The following RAPGEF5 variants were observed in gnomAD, a reference collection of about 807,000 sequenced individuals.
The protein encoded by RAPGEF5 is M-Ras-regulated GEF.
Under a neutral mutation model 125.2 loss-of-function variants are expected in RAPGEF5, and 65 were observed. The ratio of observed to expected loss-of-function variants is 0.52; its 90% CI spans 0.43 to 0.64. The LOEUF is 0.64. Among genes scored for constraint, RAPGEF5 ranks in the 30% least tolerant of loss-of-function variants. The probability of loss-of-function intolerance (pLI) is 0.00; values close to 1 mark genes in which losing one functional copy is unlikely to be tolerated. For synonymous variants in RAPGEF5, 391 were observed against 385.9 expected (o/e 1.01, Z -0.16); for missense variants, 958 against 1,048.1 (o/e 0.91, Z 1.19).
intron 7 of RAPGEF5, among the ~76,000 whole-genome samples, chr7:22,265,567 T>G (rs1782262479): frequency 6.6e-6 from 1 of 152,110 alleles, no homozygotes; most frequent in Non-Finnish European, 1.5e-5. Flanking sequence ...AATATGGGAG[T>G]GCAGATATCT....
At chr7:22,256,284 T>G (rs1382476682) in intron 7 of RAPGEF5, among the ~76,000 whole-genome samples, 1 of 152,220 alleles carries the variant, frequency 6.6e-6, no homozygotes. Flanking sequence ...AAAAATTCCC[T>G]TTTTGGTTTT....
At chr7:22,126,650 G>A (rs1782754554) in intron 24 of RAPGEF5, among the ~76,000 whole-genome samples, 1 of 152,126 alleles carries the variant, frequency 6.6e-6, no homozygotes, top group South Asian at 2.1e-4. Flanking sequence ...GTCTTGCTCT[G>A]TCACCCAGGC....
intron 7 of RAPGEF5, among the ~76,000 whole-genome samples, chr7:22,266,462 C>A (rs1213145231): frequency 6.6e-6 from 1 of 152,076 alleles, no homozygotes; most frequent in Non-Finnish European, 1.5e-5. Context: ...AGATTATATC[C>A]TATAGGTATG....
intron 3 of RAPGEF5, among the ~76,000 whole-genome samples, chr7:22,312,711 C>T (rs1458336648): frequency 6.6e-6 from 1 of 152,238 alleles, no homozygotes; most frequent in Non-Finnish European, 1.5e-5. Context: ...ATTTCTGTTG[C>T]ATATGATCCC....
Position 22,121,677 on chromosome 7 carries a change from T to C in RAPGEF5, c.*729A>G, listed in dbSNP as rs1782586812. ...AAACAATGAGTCAATTTCTTAAAGA[T>C]TACTATTTTTCCTTACTGGCAAAGC... On this transcript the variant is annotated 3_prime_UTR_variant, in exon 26 of 26. Transcript: ENST00000665637. 1 of 152,304 alleles carries C rather than the reference T, an allele frequency of 6.6e-6. No individual in the cohort carries two copies. Among genetic ancestry groups the C allele is most frequent in the Non-Finnish European group, 1.5e-5 (1 of 68,034 alleles). 9.4% of individuals were successfully genotyped at this position (152,304 alleles called of 1,614,324 possible). A position where few individuals can be genotyped will look rare whatever the true frequency, so the allele number is the denominator to read the frequency against.
chr7:22,293,782 G>C (rs972540297), intron 5 of RAPGEF5, among the ~76,000 whole-genome samples: 12 of 152,278 alleles, frequency 7.9e-5, no homozygotes, highest in Non-Finnish European at 1.3e-4. Flanking sequence ...AACAGCGGGA[G>C]AGCCTGAAAA....
intron 1 of RAPGEF5, among the ~76,000 whole-genome samples, chr7:22,327,860 T>C (rs779322328): frequency 6.6e-6 from 1 of 152,186 alleles, no homozygotes; most frequent in African/African-American, 2.4e-5. Context: ...GTTCAGTAGG[T>C]CTGGGGTGAA....
Position 22,275,096 on chromosome 7 carries a change from A to G in RAPGEF5, c.748-8084T>C, listed in dbSNP as rs73683339. 9.9e-3 allele frequency among the ~76,000 whole-genome samples: 1,488 copies of G among 150,914 alleles called. 20 individuals carry two copies. The highest frequency in any genetic ancestry group is 0.029 in the African/African-American group (1,179 of 41,022). ...CATATTCTGTCTGGAATGCCTCCCC[A>G]CCTCCCCGCCTTGTATGGCTGTCAC... On this transcript the variant is annotated intron_variant, in intron 6 of 25. Transcript: ENST00000665637.
intron 6 of RAPGEF5, among the ~76,000 whole-genome samples, chr7:22,274,655 C>T (rs1782515325): frequency 6.6e-6 from 1 of 152,094 alleles, no homozygotes; most frequent in Non-Finnish European, 1.5e-5. Context: ...ACCAATTCCG[C>T]TGCACTCCAC....
At chr7:22,136,263 T>C in intron 22 of RAPGEF5, 138 bp from the exon 23 acceptor site, 1 of 575,924 alleles carries the variant, frequency 1.7e-6, no homozygotes, top group Non-Finnish European at 2.9e-6. Flanking sequence ...AGATAAAGGT[T>C]TCCTAGGAGA....
At chr7:22,308,146 A>C (rs899724985) in intron 5 of RAPGEF5, among the ~76,000 whole-genome samples, 193 bp downstream of exon 5, 3 of 152,346 alleles carry the variant, frequency 2.0e-5, no homozygotes, top group Middle Eastern at 3.4e-3. Flanking sequence ...CTGGGATTTA[A>C]ATACCAGTTA....
chr7:22,338,859 C>T (rs1455693739), intron 1 of RAPGEF5, among the ~76,000 whole-genome samples: 1 of 152,200 alleles, frequency 6.6e-6, no homozygotes. Context: ...GCGCCCCCAC[C>T]ACCAGGAATG....
At chr7:22,307,042 T>C (rs1402138017) in intron 5 of RAPGEF5, among the ~76,000 whole-genome samples, 1 of 152,230 alleles carries the variant, frequency 6.6e-6, no homozygotes, top group Non-Finnish European at 1.5e-5. Context: ...CCGGATCTTT[T>C]GTGGTTTCAT....
At chr7:22,172,535 G>C (rs1469676026) in intron 11 of RAPGEF5, among the ~76,000 whole-genome samples, 1 of 152,000 alleles carries the variant, frequency 6.6e-6, no homozygotes, top group Non-Finnish European at 1.5e-5. Context: ...CTCATTTTAA[G>C]TATATGAAGC....
In RAPGEF5 at chr7:22,119,319, T is replaced by C. The variant is rs1408477059; in HGVS notation, c.*3087A>G. On this transcript the variant is annotated 3_prime_UTR_variant, in exon 26 of 26. Transcript: ENST00000665637. This position sits in a 1 kb window ranked among gnomAD's most constrained non-coding sequence, Gnocchi z 4.1. ...TCCACATGCTTCTAAATTCGGTGTA[T>C]GCTCCACACTACCTGTTTGTGGTTC... 1.3e-5 allele frequency: 2 copies of C among 152,192 alleles called. No homozygotes were observed. The highest frequency in any genetic ancestry group is 2.9e-5 in the Non-Finnish European group (2 of 68,040). 9.4% of individuals were successfully genotyped at this position (152,192 alleles called of 1,614,324 possible).
At chr7:22,200,666 C>A (rs1234213789) in intron 9 of RAPGEF5, among the ~76,000 whole-genome samples, 2 of 152,144 alleles carry the variant, frequency 1.3e-5, no homozygotes, top group Non-Finnish European at 2.9e-5. Context: ...CAAACTCCAA[C>A]AGAAAACCAA....
At position 22,272,797 on chromosome 7, in the gene RAPGEF5, C is replaced by T. The variant is rs565634136; in HGVS notation, c.748-5785G>A. 7.9e-5 allele frequency among the ~76,000 whole-genome samples: 12 copies of T among 152,286 alleles called. No homozygotes were observed. In the South Asian group the frequency reaches 2.3e-3, roughly 29 times the overall value. Reference sequence around the variant, plus strand: ...TTTGAGACAAGGTTTCGCTCTGTTGCCCAGGCTGGAGTGCAGTGGTACGAT... The same window carrying T: ...TTTGAGACAAGGTTTCGCTCTGTTGTCCAGGCTGGAGTGCAGTGGTACGAT... On this transcript the variant is annotated intron_variant, in intron 6 of 25. Transcript: ENST00000665637.
chr7:22,211,565 C>T (rs955126313), intron 9 of RAPGEF5, among the ~76,000 whole-genome samples: 3 of 152,130 alleles, frequency 2.0e-5, no homozygotes, highest in Non-Finnish European at 2.9e-5. Flanking sequence ...TTGAGCTGCC[C>T]ACAGCAAATC....
intron 9 of RAPGEF5, among the ~76,000 whole-genome samples, chr7:22,219,392 A>G (rs1421416390): frequency 2.6e-5 from 4 of 151,200 alleles, no homozygotes; most frequent in Non-Finnish European, 5.9e-5. Context: ...TGACCCTCCC[A>G]CTTGGTGAGA....
Sources: allele counts gnomAD v4.1 joint callset (sites outside exome capture counted in the v4.1 genomes callset), GRCh38; gene constraint gnomAD v4.1.1; non-coding constraint Gnocchi (gnomAD v3.1); transcripts MANE v1.5; gene names NCBI Gene and HGNC (gene_info 2026-07-23, HGNC 2026-07-21).